The following NUCB1 variants were observed in gnomAD, a reference collection of about 807,000 sequenced individuals.
NUCB1 encodes nucleobindin-1.
NUCB1 carries 47 observed loss-of-function variants against 61.2 expected under a neutral mutation model. The observed-to-expected ratio is 0.77, with a 90% CI of 0.61 to 0.98. NUCB1 has a LOEUF of 0.98. Ranked by LOEUF, NUCB1 falls within the 50% of genes least tolerant of loss-of-function variation. The pLI is 0.00. For synonymous variants in NUCB1, 234 were observed against 243.1 expected (o/e 0.96, Z 0.35); for missense variants, 583 against 605.3 (o/e 0.96, Z 0.39).
rs924195858 is a variant in NUCB1 at position 48,913,068 on chromosome 19, G to A, written c.538G>A (p.Glu180Lys). 8.1e-6 allele frequency: 13 copies of A among 1,613,648 alleles called. No homozygotes were observed. The highest frequency in any genetic ancestry group is 1.3e-5 in the African/African-American group (1 of 74,822). Residue 180 changes from glutamate (E) to lysine (K), a missense_variant, in exon 6 of 13, where the codon GAG (glutamate) becomes AAG (lysine). Glu to Lys is a moderately conservative substitution (Grantham distance 56). Transcript: ENST00000405315. ...CCATCATGAAGAGTTCAAGCGCTACGAGATGCTTAAGGAACACGAGAGACG... is the reference window on the plus strand; with the variant it reads ...CCATCATGAAGAGTTCAAGCGCTACAAGATGCTTAAGGAACACGAGAGACG... Reference protein sequence around the residue: ...AAHHEEFKRYEMLKEHERRRY... With the variant: ...AAHHEEFKRYKMLKEHERRRY...
At chr19:48,914,388 G>C (rs1209844387) in intron 7 of NUCB1, among the ~76,000 whole-genome samples, 1 of 152,054 alleles carries the variant, frequency 6.6e-6, no homozygotes, top group African/African-American at 2.4e-5. Context: ...CAAGCACCCT[G>C]TCCCAGAATC....
intron 11 of NUCB1, 53 bp from the exon 12 acceptor site, chr19:48,921,774 T>C: frequency 6.4e-7 from 1 of 1,560,692 alleles, no homozygotes; most frequent in Non-Finnish European, 8.8e-7. Flanking sequence ...GCCTGAGCAC[T>C]TGCAATGCCA....
intron 11 of NUCB1, 23 bp downstream of exon 11, chr19:48,921,347 C>T (rs748231119): frequency 5.8e-6 from 9 of 1,561,628 alleles, no homozygotes; most frequent in Non-Finnish European, 7.8e-6. Flanking sequence ...GAAGCTGCTT[C>T]CATCCACTGA....
In NUCB1 at chr19:48,904,461, C is replaced by T; in HGVS notation, c.243+7C>T. The T allele has an allele frequency of 6.4e-7, 1 of 1,569,000 alleles. No individual in the cohort carries two copies. The highest frequency in any genetic ancestry group is 1.4e-5 in the African/African-American group (1 of 73,250). On this transcript the variant is annotated splice_region_variant and intron_variant, in intron 3 of 12. Coordinates refer to ENST00000405315, the MANE Select transcript of NUCB1 (RefSeq NM_006184.6). ...CAATGCGGAGGACATCAAGGTGCGG[C>T]TGGGGGAGTGGGGGCTGTGGGAGGG...
chr19:48,903,171 A>C (rs1396862272), intron 2 of NUCB1, among the ~76,000 whole-genome samples: 16 of 151,668 alleles, frequency 1.1e-4, no homozygotes, highest in Non-Finnish European at 2.9e-5. Flanking sequence ...TTTCACCACA[A>C]CTCTGGGAGG....
At chr19:48,909,889 C>A (rs2037453275) in intron 4 of NUCB1, among the ~76,000 whole-genome samples, 1 of 151,766 alleles carries the variant, frequency 6.6e-6, no homozygotes, top group South Asian at 2.1e-4. Context: ...GGATTAGGGC[C>A]CACAGTAATG....
chr19:48,912,259 C>T (rs755411026), intron 5 of NUCB1, among the ~76,000 whole-genome samples: 1 of 151,980 alleles, frequency 6.6e-6, no homozygotes, highest in Non-Finnish European at 1.5e-5. Context: ...CTCCCGGGCT[C>T]GAGTGATCCT....
chr19:48,911,386 G>T, intron 5 of NUCB1, 134 bp downstream of exon 5: 4 of 574,836 alleles, frequency 7.0e-6, no homozygotes, highest in Non-Finnish European at 1.2e-5. Flanking sequence ...GTAGAGGGCT[G>T]AGTCGTTTCT....
chr19:48,916,747 C>T (rs1024141795), intron 7 of NUCB1, among the ~76,000 whole-genome samples: 9 of 152,160 alleles, frequency 5.9e-5, no homozygotes, highest in African/African-American at 2.2e-4. Flanking sequence ...GAAACCCCGT[C>T]TCTACTAAAA....
At chr19:48,915,816 T>C (rs2037533316) in intron 7 of NUCB1, among the ~76,000 whole-genome samples, 1 of 151,798 alleles carries the variant, frequency 6.6e-6, no homozygotes, top group Non-Finnish European at 1.5e-5. Flanking sequence ...CCCCGTGTTT[T>C]GTTTTGTTTT....
At chr19:48,903,255 A>G (rs2037370909) in intron 2 of NUCB1, among the ~76,000 whole-genome samples, 1 of 152,148 alleles carries the variant, frequency 6.6e-6, no homozygotes, top group African/African-American at 2.4e-5. Context: ...CCACCCAGCT[A>G]CGCATGACGG....
intron 7 of NUCB1, chr19:48,918,476 G>T: frequency 2.0e-6 from 1 of 493,552 alleles, no homozygotes; most frequent in Admixed American, 3.4e-5. Context: ...GCATGACAGT[G>T]ACCCAAGCAT....
intron 2 of NUCB1, among the ~76,000 whole-genome samples, chr19:48,901,490 G>A (rs923847678): frequency 6.6e-6 from 1 of 152,226 alleles, no homozygotes; most frequent in Non-Finnish European, 1.5e-5. Flanking sequence ...CAGGCCAGGC[G>A]CAGTGGCTCA....
chr19:48,910,614 TG>T (rs531100507), intron 4 of NUCB1, among the ~76,000 whole-genome samples: 160 of 148,056 alleles, frequency 1.1e-3, no homozygotes, highest in Non-Finnish European at 2.0e-3. Flanking sequence ...TGCTTGAGCC[TG>T]GGAGGCGGAG....
At chr19:48,909,982 A>G (rs1486695041) in intron 4 of NUCB1, among the ~76,000 whole-genome samples, 1 of 152,204 alleles carries the variant, frequency 6.6e-6, no homozygotes, top group Non-Finnish European at 1.5e-5. Context: ...TTAGGACTTC[A>G]ACATAGAAAC....
intron 1 of NUCB1, 75 bp from the exon 2 acceptor site, chr19:48,900,711 C>T: frequency 2.6e-6 from 4 of 1,541,620 alleles, no homozygotes; most frequent in Non-Finnish European, 3.5e-6. Context: ...CGCTGGGGGC[C>T]CGAACTCCTG....
rs745592485 is a variant in NUCB1, at chr19:48,919,237, T to A, written c.953T>A (p.Leu318His). ...QDRLVTLEEF[L>H]ASTQRKEFGD... ...CGCCTCGTGACCCTGGAGGAGTTCC[T>A]CGCATCCACTCAGAGGAAGGAGTTT... The change falls in exon 10 of 13, where the codon CTC becomes CAC. Residue 318 changes from leucine to histidine, a missense_variant. By Grantham distance (99) the Leu-to-His change is moderately conservative (BLOSUM62 -3). Coordinates refer to ENST00000405315, the MANE Select transcript of NUCB1 (RefSeq NM_006184.6). 6.2e-7 allele frequency: 1 copy of A among 1,613,888 alleles called. No homozygotes were observed. Among genetic ancestry groups the A allele is most frequent in the East Asian group, 2.2e-5 (1 of 44,868 alleles).
chr19:48,914,244 G>C (rs1161536295), intron 7 of NUCB1, among the ~76,000 whole-genome samples: 1 of 152,016 alleles, frequency 6.6e-6, no homozygotes, highest in Non-Finnish European at 1.5e-5. Flanking sequence ...CAAAGTGCTA[G>C]GATTACAGGC....
intron 9 of NUCB1, 30 bp downstream of exon 9, chr19:48,919,152 CG>C (rs770537269): frequency 3.0e-5 from 49 of 1,613,498 alleles, no homozygotes; most frequent in Non-Finnish European, 4.2e-5. Context: ...GGGGAGAGGA[CG>C]GGCCCCCAGC....
Sources: gnomAD v4.1 joint callset for allele counts (sites outside exome capture counted in the v4.1 genomes callset) on GRCh38, gnomAD v4.1.1 for gene constraint, MANE v1.5 for transcripts, NCBI Gene and HGNC (gene_info 2026-07-23, HGNC 2026-07-21) for gene names.